The following VPS13B variants were observed in gnomAD, a reference collection of about 807,000 sequenced individuals.
VPS13B encodes intermembrane lipid transfer protein VPS13B.
VPS13B carries 285 observed loss-of-function variants against 426.4 expected under a neutral mutation model. The ratio of observed to expected loss-of-function variants is 0.67; its 90% CI spans 0.61 to 0.74. The LOEUF (loss-of-function observed/expected upper bound fraction) is 0.74. VPS13B is among the 30% of genes least tolerant of loss of function. The pLI, the probability that VPS13B is intolerant of heterozygous loss-of-function variation, is 0.00. For synonymous variants in VPS13B, 1,676 were observed against 1,676.4 expected, an observed-to-expected ratio of 1.00 and a Z score of 0.01; for missense variants, 4,537 against 4,782.6, an observed-to-expected ratio of 0.95 and a Z score of 1.51.
At chr8:99,125,727 G>A (rs971009645) in intron 8 of VPS13B, among the ~76,000 whole-genome samples, 8 of 152,132 alleles carry the variant, frequency 5.3e-5, no homozygotes, top group Non-Finnish European at 1.0e-4. Context: ...GTAATATTTT[G>A]TACTAAATGC....
intron 29 of VPS13B, among the ~76,000 whole-genome samples, chr8:99,519,062 G>A (rs551076745): frequency 6.6e-6 from 1 of 152,204 alleles, no homozygotes; most frequent in South Asian, 2.1e-4. Flanking sequence ...AGAATCATCT[G>A]TTGGAGAATA....
chr8:99,376,679 G>A (rs1813505748), intron 19 of VPS13B, among the ~76,000 whole-genome samples: 2 of 151,968 alleles, frequency 1.3e-5, no homozygotes, highest in African/African-American at 4.8e-5. Context: ...TTTAGTTTTA[G>A]ACATATCTGA....
At chr8:99,213,154 T>G (rs948495734) in intron 17 of VPS13B, among the ~76,000 whole-genome samples, 1 of 152,194 alleles carries the variant, frequency 6.6e-6, no homozygotes, top group African/African-American at 2.4e-5. Context: ...TGGCGTGTGT[T>G]TTTTGTACAC....
At chr8:99,622,886 A>G (rs1299785563) in intron 33 of VPS13B, among the ~76,000 whole-genome samples, 1 of 152,076 alleles carries the variant, frequency 6.6e-6, no homozygotes, top group Non-Finnish European at 1.5e-5. Context: ...TCTTATCACT[A>G]CCTTCACTGT....
Position 99,038,403 on chromosome 8 carries a change from G to A in VPS13B, c.148-20G>A. On this transcript the variant is annotated intron_variant, in intron 2 of 61. Coordinates refer to ENST00000357162, the MANE Select transcript of VPS13B (RefSeq NM_152564.5). ...ATATTAAGCACTTACTAATTTTTAT[G>A]TAATGTTTTGTGTTTTAAGGAACTG... is the stretch of plus-strand genomic sequence containing the variant. The A allele has an allele frequency of 6.3e-7, 1 of 1,577,952 alleles. No homozygotes were observed. The highest frequency in any genetic ancestry group is 8.6e-7 in the Non-Finnish European group (1 of 1,156,968).
At chr8:99,165,406 A>G (rs1425293163) in intron 15 of VPS13B, among the ~76,000 whole-genome samples, 1 of 152,188 alleles carries the variant, frequency 6.6e-6, no homozygotes, top group Non-Finnish European at 1.5e-5. Context: ...CATCGTTTGA[A>G]TATGTATGGT....
intron 17 of VPS13B, among the ~76,000 whole-genome samples, chr8:99,238,435 C>A (rs1816752007): frequency 6.6e-6 from 1 of 152,096 alleles, no homozygotes; most frequent in African/African-American, 2.4e-5. Context: ...GGCCATGGGG[C>A]AAGCTTAGGT....
At chr8:99,186,181 A>G (rs1813211008) in intron 16 of VPS13B, among the ~76,000 whole-genome samples, 1 of 152,158 alleles carries the variant, frequency 6.6e-6, no homozygotes, top group Non-Finnish European at 1.5e-5. Context: ...TTTATATTCA[A>G]CAGCTTAACT....
intron 24 of VPS13B, among the ~76,000 whole-genome samples, chr8:99,470,055 T>C (rs1819320981): frequency 6.6e-6 from 1 of 152,168 alleles, no homozygotes; most frequent in Non-Finnish European, 1.5e-5. Flanking sequence ...GACTGTAGCC[T>C]CCAAGAACTT....
At chr8:99,134,960 C>G (rs1353531979) in intron 9 of VPS13B, 55 bp from the exon 10 acceptor site, 1 of 1,605,246 alleles carries the variant, frequency 6.2e-7, no homozygotes, top group Admixed American at 1.7e-5. Context: ...AGGAAAGCCT[C>G]TAACATTTTT....
At chr8:99,678,491 C>T (rs925473190) in intron 35 of VPS13B, among the ~76,000 whole-genome samples, 1 of 152,098 alleles carries the variant, frequency 6.6e-6, no homozygotes, top group South Asian at 2.1e-4. Flanking sequence ...TCAAAACTCT[C>T]CTCAGCCCCC....
intron 16 of VPS13B, among the ~76,000 whole-genome samples, chr8:99,186,914 T>C (rs1256425782): frequency 1.3e-5 from 2 of 152,192 alleles, no homozygotes; most frequent in Non-Finnish European, 2.9e-5. Context: ...GTCTATGTTA[T>C]CCATTTGGGA....
chr8:99,569,606 C>T (rs1024242173), intron 31 of VPS13B, among the ~76,000 whole-genome samples: 7 of 152,060 alleles, frequency 4.6e-5, no homozygotes, highest in Non-Finnish European at 2.9e-5. Flanking sequence ...TCTTAAACTC[C>T]TTTAGTATTT....
At chr8:99,477,067 C>T (rs543323528) in intron 24 of VPS13B, among the ~76,000 whole-genome samples, 1 of 152,196 alleles carries the variant, frequency 6.6e-6, no homozygotes, top group East Asian at 1.9e-4. Flanking sequence ...TTTGTAAAAG[C>T]TTTCTTTAGG....
intron 22 of VPS13B, among the ~76,000 whole-genome samples, chr8:99,441,796 A>AT (rs1446432571): frequency 1.3e-5 from 2 of 152,128 alleles, no homozygotes; most frequent in African/African-American, 4.8e-5. Flanking sequence ...TAATGCTCTG[A>AT]TTTTTAAGTC....
intron 19 of VPS13B, among the ~76,000 whole-genome samples, chr8:99,373,289 C>G (rs1813292235): frequency 6.6e-6 from 1 of 151,358 alleles, no homozygotes; most frequent in African/African-American, 2.4e-5. Context: ...TGTAACAAAC[C>G]TGCGTTTTGC....
chr8:99,678,535 C>T (rs192810365), intron 35 of VPS13B, among the ~76,000 whole-genome samples: 72 of 151,862 alleles, frequency 4.7e-4, no homozygotes, highest in Admixed American at 2.0e-3. Context: ...GTATTTCTTA[C>T]ATATAAATTG....
Position 99,232,480 on chromosome 8 carries a change from C to G in VPS13B, c.2515+39423C>G, listed in dbSNP as rs1279998951. On this transcript the variant is annotated intron_variant, in intron 17 of 61. Transcript: ENST00000357162. Reference sequence around the variant, plus strand: ...ACACCGTGAACCTCCCAAAGAAAGACTTTAAAGTCTAGAAAAGCCTGCTTT... The same window carrying G: ...ACACCGTGAACCTCCCAAAGAAAGAGTTTAAAGTCTAGAAAAGCCTGCTTT... Among the ~76,000 whole-genome samples, 5 of 151,782 alleles carry G rather than the reference C, an allele frequency of 3.3e-5. No homozygotes were observed. The East Asian group carries it at 9.7e-4, about 29-fold the overall frequency.
intron 33 of VPS13B, among the ~76,000 whole-genome samples, chr8:99,595,180 G>T (rs1052917958): frequency 6.6e-6 from 1 of 151,762 alleles, no homozygotes; most frequent in Non-Finnish European, 1.5e-5. Flanking sequence ...TTTGTTGGGG[G>T]TTACATATAG....
Sources: gnomAD v4.1 joint callset for allele counts (sites outside exome capture counted in the v4.1 genomes callset) on GRCh38, gnomAD v4.1.1 for gene constraint, MANE v1.5 for transcripts, NCBI Gene and HGNC (gene_info 2026-07-23, HGNC 2026-07-21) for gene names.